The following PCDHGB6 variants were observed in gnomAD, a reference collection of about 807,000 sequenced individuals.
PCDHGB6 encodes the protein protocadherin gamma subfamily B, 6.
Under a neutral mutation model 59.1 loss-of-function variants are expected in PCDHGB6, and 51 were observed. The ratio of observed to expected loss-of-function variants is 0.86; its 90% CI spans 0.69 to 1.09. PCDHGB6 has a LOEUF of 1.09. Ranked by LOEUF, PCDHGB6 falls within the 50% of genes least tolerant of loss-of-function variation. The pLI, the probability that PCDHGB6 is intolerant of heterozygous loss-of-function variation, is 0.00. For synonymous variants in PCDHGB6, 466 were observed against 495.1 expected (o/e 0.94, Z 0.78); for missense variants, 1,148 against 1,205.1 (o/e 0.95, Z 0.70).
intron 2 of PCDHGB6, among the ~76,000 whole-genome samples, chr5:141,501,290 TACACACACACACACACACACAC>T (rs55762287): frequency 1.4e-4 from 19 of 136,248 alleles, no homozygotes; most frequent in Admixed American, 1.1e-3. Context: ...TATTCCCTTA[TACACACACACACACACACACAC>T]ACACACACAC....
At chr5:141,442,006 G>T (rs540427406) in intron 1 of PCDHGB6, 2 of 229,074 alleles carry the variant, frequency 8.7e-6, no homozygotes, top group South Asian at 4.9e-5. Flanking sequence ...CTGACAGCTC[G>T]CACGATGGGC....
In PCDHGB6 at chr5:141,491,638, G is replaced by A. The variant is rs2099723160; in HGVS notation, c.2419-3169G>A. The A allele has an allele frequency of 6.2e-7, 1 of 1,613,898 alleles. No individual in the cohort carries two copies. The highest frequency in any genetic ancestry group is 1.3e-5 in the African/African-American group (1 of 75,074). ...ACCCCTCAGCGTTCAGCAGCCCACA[G>A]CTCTGGCGCTGGAGCCTGACGCCAT... On this transcript the variant is annotated intron_variant, in intron 1 of 3. Coordinates refer to ENST00000520790, the MANE Select transcript of PCDHGB6 (RefSeq NM_018926.3). The surrounding 1 kb of genome is among the most constrained non-coding windows in gnomAD (Gnocchi z 6.9).
intron 1 of PCDHGB6, among the ~76,000 whole-genome samples, chr5:141,472,980 C>CAAAAAAAAAAAAAA (rs60579131): frequency 5.8e-5 from 5 of 86,102 alleles, no homozygotes; most frequent in Admixed American, 1.2e-4. Context: ...GAGTGAAACT[C>CAAAAAAAAAAAAAA]AAAAAAAAAA....
Position 141,491,436 on chromosome 5 carries a change from G to A in PCDHGB6, c.2419-3371G>A, listed in dbSNP as rs771884610. ...ACGGGGGTGGAGGGCAGTGCTGCAG[G>A]CGCCAGGACTCACCCTCCCCGGACT... On this transcript the variant is annotated intron_variant, in intron 1 of 3. Coordinates refer to ENST00000520790, the MANE Select transcript of PCDHGB6 (RefSeq NM_018926.3). This position sits in a 1 kb window ranked among gnomAD's most constrained non-coding sequence, Gnocchi z 6.9. 1 of 1,614,070 alleles carries A rather than the reference G, an allele frequency of 6.2e-7. No individual in the cohort carries two copies. The highest frequency in any genetic ancestry group is 8.5e-7 in the Non-Finnish European group (1 of 1,180,034).
In PCDHGB6 at chr5:141,477,362, G is replaced by T. The variant is rs920445601; in HGVS notation, c.2419-17445G>T. 6.2e-7 allele frequency: 1 copy of T among 1,614,142 alleles called. No individual in the cohort carries two copies. The highest frequency in any genetic ancestry group is 1.3e-5 in the African/African-American group (1 of 75,022). On this transcript the variant is annotated intron_variant, in intron 1 of 3. Coordinates refer to ENST00000520790, the MANE Select transcript of PCDHGB6 (RefSeq NM_018926.3). The surrounding 1 kb of genome is among the most constrained non-coding windows in gnomAD (Gnocchi z 4.9). ...CACTTTGAAAACCAGTGCAGACCTG[G>T]ATCGGGAGACTGTGCCAGAATACAA...
rs777856819 is a variant in PCDHGB6, at chr5:141,487,572, T to A, written c.2419-7235T>A. On this transcript the variant is annotated intron_variant, in intron 1 of 3. Coordinates refer to ENST00000520790, the MANE Select transcript of PCDHGB6 (RefSeq NM_018926.3). The surrounding 1 kb of genome is among the most constrained non-coding windows in gnomAD (Gnocchi z 5.0). ...AGTGCACCTATGGCAGGGGAGCCTG[T>A]TCGCCCAAGCTGCCCACCCTCTGAT... 1 of 1,614,168 alleles carries A rather than the reference T, an allele frequency of 6.2e-7. No individual in the cohort carries two copies. Among genetic ancestry groups the A allele is most frequent in the Non-Finnish European group, 8.5e-7 (1 of 1,180,034 alleles).
chr5:141,475,547 G>A (rs2099364977), intron 1 of PCDHGB6, among the ~76,000 whole-genome samples: 1 of 152,176 alleles, frequency 6.6e-6, no homozygotes, highest in Non-Finnish European at 1.5e-5. Context: ...AGTAGGGTCC[G>A]GCTAATTGTC....
At chr5:141,507,704 G>A (rs989196400) in intron 3 of PCDHGB6, among the ~76,000 whole-genome samples, 5 of 152,210 alleles carry the variant, frequency 3.3e-5, no homozygotes, top group African/African-American at 9.6e-5. Context: ...AGTATTTATG[G>A]CCCCAAACCC....
rs745435492 is a variant in PCDHGB6, at chr5:141,489,215, A to G, written c.2419-5592A>G. The G allele has an allele frequency of 4.1e-6, 6 of 1,475,362 alleles. No homozygotes were observed. Among genetic ancestry groups the G allele is most frequent in the Non-Finnish European group, 5.5e-6 (6 of 1,093,140 alleles). 91.4% of individuals were successfully genotyped at this position (1,475,362 alleles called of 1,614,324 possible). A position where few individuals can be genotyped will look rare whatever the true frequency, so the allele number is the denominator to read the frequency against. ...CTTGGAGACAGGACAGCACAGACTT[A>G]CTCTCCACAAAGGGACTTCTGGGTC... On this transcript the variant is annotated intron_variant, in intron 1 of 3. Coordinates refer to ENST00000520790, the MANE Select transcript of PCDHGB6 (RefSeq NM_018926.3). The surrounding 1 kb of genome is among the most constrained non-coding windows in gnomAD (Gnocchi z 4.5).
In PCDHGB6 at chr5:141,408,953, CTT is replaced by C; in HGVS notation, c.752_753del (p.Leu251GlnfsTer2). The C allele has an allele frequency of 6.2e-7, 1 of 1,613,552 alleles. No homozygotes were observed. The highest frequency in any genetic ancestry group is 8.5e-7 in the Non-Finnish European group (1 of 1,179,744). On this transcript the variant is annotated frameshift_variant, in exon 1 of 4. Coordinates refer to ENST00000520790, the MANE Select transcript of PCDHGB6 (RefSeq NM_018926.3). LOFTEE classifies it high-confidence loss of function. ...VFSRDEYRIS[L>X]SENLPPGSPV... ...CAGCAGAGACGAATATAGAATTAGT[CTT>C]AGTGAAAATCTGCCCCCTGGGTCCC... is the stretch of plus-strand genomic sequence containing the variant.
At chr5:141,430,652 A>G in intron 1 of PCDHGB6, 1 of 1,069,464 alleles carries the variant, frequency 9.4e-7, no homozygotes. Context: ...ATGTGGAAAC[A>G]ACGGAGGAGC....
chr5:141,450,310 G>A (rs1364358879), intron 1 of PCDHGB6, among the ~76,000 whole-genome samples: 1 of 151,966 alleles, frequency 6.6e-6, no homozygotes, highest in Non-Finnish European at 1.5e-5. Context: ...ACCATGTGTG[G>A]CCTAGTTGCC....
chr5:141,445,608 C>T (rs2098472204), intron 1 of PCDHGB6, among the ~76,000 whole-genome samples: 1 of 152,108 alleles, frequency 6.6e-6, no homozygotes, highest in South Asian at 2.1e-4. Context: ...TCAAGGAAGG[C>T]TTTCTTTTTT....
intron 1 of PCDHGB6, chr5:141,441,982 G>T: frequency 3.6e-6 from 1 of 277,096 alleles, no homozygotes; most frequent in South Asian, 3.6e-5. Flanking sequence ...CCTGGAATGC[G>T]CACCGACGAG....
chr5:141,446,854 C>T (rs1474444931), intron 1 of PCDHGB6, among the ~76,000 whole-genome samples: 1 of 152,134 alleles, frequency 6.6e-6, no homozygotes, highest in Non-Finnish European at 1.5e-5. Context: ...AATAAGCTTC[C>T]TGATAGCTCT....
Position 141,486,494 on chromosome 5 carries a change from A to G in PCDHGB6, c.2419-8313A>G, listed in dbSNP as rs375607204. 9.3e-6 allele frequency: 15 copies of G among 1,614,058 alleles called. No individual in the cohort carries two copies. The highest frequency in any genetic ancestry group is 1.3e-5 in the Non-Finnish European group (15 of 1,179,958). ...CCCTCCTCTCAGTACCCACAGAACT[A>G]TTTTCCTCAATATTTCAGATGTGAA... On this transcript the variant is annotated intron_variant, in intron 1 of 3. Transcript: ENST00000520790. The surrounding 1 kb of genome is among the most constrained non-coding windows in gnomAD (Gnocchi z 5.0).
intron 1 of PCDHGB6, among the ~76,000 whole-genome samples, chr5:141,484,072 G>A (rs2099591675): frequency 6.6e-6 from 1 of 152,258 alleles, no homozygotes; most frequent in Admixed American, 6.5e-5. Flanking sequence ...TGAAAAGCTT[G>A]CTCTTTTGAA....
chr5:141,496,499 G>A (rs1417059875), intron 2 of PCDHGB6, among the ~76,000 whole-genome samples: 1 of 152,102 alleles, frequency 6.6e-6, no homozygotes, highest in Non-Finnish European at 1.5e-5. Context: ...AACCCTTGTT[G>A]CCACAAGGAC....
chr5:141,490,396 A>G lies in PCDHGB6; in HGVS notation c.2419-4411A>G. ...GGACTCAGGTAGAAATGGTGAAGTGAGCCTTGATATCTCTCCGGACCTGCC... is the reference window on the plus strand; with the variant it reads ...GGACTCAGGTAGAAATGGTGAAGTGGGCCTTGATATCTCTCCGGACCTGCC... On this transcript the variant is annotated intron_variant, in intron 1 of 3. Coordinates refer to ENST00000520790, the MANE Select transcript of PCDHGB6 (RefSeq NM_018926.3). The surrounding 1 kb of genome is among the most constrained non-coding windows in gnomAD (Gnocchi z 5.4). 1 of 1,614,146 alleles carries G rather than the reference A, an allele frequency of 6.2e-7. No homozygotes were observed. The highest frequency in any genetic ancestry group is 8.5e-7 in the Non-Finnish European group (1 of 1,180,030).
Sources: allele counts gnomAD v4.1 joint callset (sites outside exome capture counted in the v4.1 genomes callset), GRCh38; gene constraint gnomAD v4.1.1; non-coding constraint Gnocchi (gnomAD v3.1); transcripts MANE v1.5; gene names NCBI Gene and HGNC (gene_info 2026-07-23, HGNC 2026-07-21).